Variants in CSMD1 observed in about 807,000 individuals in gnomAD.
CSMD1 encodes CUB and Sushi multiple domains 1, also known as CUB and sushi domain-containing protein 1.
In CSMD1, 213 loss-of-function variants were observed where a neutral mutation model predicts 417.5. The observed-to-expected ratio is 0.51, with a 90% CI of 0.46 to 0.57. CSMD1 has a LOEUF of 0.57. Ranked by LOEUF, CSMD1 falls within the 20% of genes least tolerant of loss-of-function variation. The pLI, the probability that CSMD1 is intolerant of heterozygous loss-of-function variation, is 0.00. For synonymous variants in CSMD1, 2,862 were observed against 1,736.8 expected (o/e 1.65, Z -16.11); for missense variants, 6,923 against 4,529.7 (o/e 1.53, Z -15.17).
At chr8:4,502,179 A>T (rs1286912258) in intron 2 of CSMD1, among the ~76,000 whole-genome samples, 1 of 152,202 alleles carries the variant, frequency 6.6e-6, no homozygotes, top group Non-Finnish European at 1.5e-5. Flanking sequence ...AACAGTAATC[A>T]TTCTTATGAA....
chr8:3,044,084 T>C (rs1325905564), intron 50 of CSMD1, among the ~76,000 whole-genome samples: 2 of 152,178 alleles, frequency 1.3e-5, no homozygotes, highest in African/African-American at 4.8e-5. Context: ...TGAGTTATGA[T>C]AGCAGCTTGA....
intron 12 of CSMD1, among the ~76,000 whole-genome samples, chr8:3,446,668 T>C (rs73660012): frequency 0.013 from 1,909 of 152,244 alleles, 52 homozygotes; most frequent in African/African-American, 0.044. Context: ...AAAAATCTGG[T>C]AAAAAGTAAA....
intron 5 of CSMD1, among the ~76,000 whole-genome samples, chr8:3,804,405 T>C (rs1800618896): frequency 1.3e-5 from 2 of 152,184 alleles, no homozygotes; most frequent in South Asian, 4.1e-4. Flanking sequence ...ATACATTAAT[T>C]AAATTTTGTT....
intron 10 of CSMD1, among the ~76,000 whole-genome samples, chr8:3,555,188 G>GGGAGGGA (rs1799090515): frequency 6.6e-6 from 1 of 151,952 alleles, no homozygotes; most frequent in African/African-American, 2.4e-5. Flanking sequence ...GTGTCTGGGA[G>GGGAGGGA]GTGTAGGGAA....
chr8:4,471,942 G>A (rs933871630), intron 2 of CSMD1, among the ~76,000 whole-genome samples: 3 of 152,080 alleles, frequency 2.0e-5, no homozygotes, highest in Admixed American at 6.6e-5. Flanking sequence ...TTTATAGAGG[G>A]TGCAAAACAG....
chr8:4,495,299 G>A (rs1187684027), intron 2 of CSMD1, among the ~76,000 whole-genome samples: 1 of 152,142 alleles, frequency 6.6e-6, no homozygotes, highest in African/African-American at 2.4e-5. Flanking sequence ...TTCTCAGCTG[G>A]GCACGGTGGC....
At chr8:3,467,099 A>G (rs185978597) in intron 12 of CSMD1, among the ~76,000 whole-genome samples, 9 of 152,266 alleles carry the variant, frequency 5.9e-5, no homozygotes, top group Non-Finnish European at 8.8e-5. Flanking sequence ...CCACAGCACT[A>G]ATTAGGGTAA....
intron 5 of CSMD1, among the ~76,000 whole-genome samples, chr8:3,756,033 C>T (rs1361245333): frequency 1.3e-5 from 2 of 152,056 alleles, no homozygotes; most frequent in African/African-American, 4.8e-5. Context: ...GTGCCACTCA[C>T]CTGTACTTAC....
In CSMD1 at chr8:3,947,349, T is replaced by G. The variant is rs150145460; in HGVS notation, c.818+50554A>C. ...GAATTACAATGATTTTCAAGAATGTTAAACCAATCTCGTATTCCTGAAAGT... is the reference window on the plus strand; with the variant it reads ...GAATTACAATGATTTTCAAGAATGTGAAACCAATCTCGTATTCCTGAAAGT... On this transcript the variant is annotated intron_variant, in intron 5 of 69. Transcript: ENST00000635120. 3.9e-3 allele frequency among the ~76,000 whole-genome samples: 589 copies of G among 152,348 alleles called. 3 individuals are homozygous for G. The highest frequency in any genetic ancestry group is 0.013 in the African/African-American group (545 of 41,588).
chr8:3,757,427 AT>A (rs894521092), intron 5 of CSMD1, among the ~76,000 whole-genome samples: 3 of 152,062 alleles, frequency 2.0e-5, no homozygotes, highest in African/African-American at 4.8e-5. Flanking sequence ...TTTTTATACA[AT>A]TTTTTTGTGT....
At chr8:3,769,939 A>G (rs76527271) in intron 5 of CSMD1, among the ~76,000 whole-genome samples, 2,800 of 152,342 alleles carry the variant, frequency 0.018, 65 homozygotes, top group East Asian at 0.11. Context: ...TTTACAAAAA[A>G]TAGGCTTTGG....
chr8:3,486,227 C>T (rs552385590), intron 11 of CSMD1, among the ~76,000 whole-genome samples: 1 of 152,038 alleles, frequency 6.6e-6, no homozygotes, highest in African/African-American at 2.4e-5. Context: ...TATAGTAATA[C>T]AATATTACCT....
chr8:3,918,808 T>G (rs1249882869), intron 5 of CSMD1, among the ~76,000 whole-genome samples: 1 of 152,100 alleles, frequency 6.6e-6, no homozygotes, highest in Non-Finnish European at 1.5e-5. Context: ...TTCTCATTCA[T>G]AAATGGGAGC....
At chr8:4,485,830 A>G (rs1160364549) in intron 2 of CSMD1, among the ~76,000 whole-genome samples, 1 of 152,070 alleles carries the variant, frequency 6.6e-6, no homozygotes, top group Non-Finnish European at 1.5e-5. Flanking sequence ...AAATGTGGCA[A>G]CATATAAACG....
At chr8:4,029,197 G>A (rs980525847) in intron 4 of CSMD1, among the ~76,000 whole-genome samples, 10 of 151,290 alleles carry the variant, frequency 6.6e-5, no homozygotes, top group African/African-American at 1.2e-4. Context: ...ATCCTACAAC[G>A]AGAGGTGATG....
intron 2 of CSMD1, 127 bp downstream of exon 2, chr8:4,637,214 GC>G (rs112131815): frequency 0.26 from 186,227 of 706,050 alleles, 25,136 homozygotes; most frequent in Middle Eastern, 0.31. Flanking sequence ...CTTGAAGTCA[GC>G]GAGGCCACGA....
intron 3 of CSMD1, among the ~76,000 whole-genome samples, chr8:4,333,776 C>T (rs762959787): frequency 3.3e-5 from 5 of 152,104 alleles, no homozygotes; most frequent in Non-Finnish European, 7.4e-5. Context: ...GTAGCCTTGA[C>T]CTGGGTCTGC....
intron 3 of CSMD1, among the ~76,000 whole-genome samples, chr8:4,037,233 A>T (rs1797669361): frequency 1.3e-5 from 2 of 152,232 alleles, no homozygotes; most frequent in Admixed American, 6.5e-5. Context: ...ATGACAAGTA[A>T]TATGACATAG....
intron 29 of CSMD1, 94 bp from the exon 30 acceptor site, chr8:3,214,785 T>C: frequency 3.2e-6 from 3 of 938,954 alleles, no homozygotes. Context: ...TTGTGTTATT[T>C]AGGGCCTAGA....
Sources: allele counts gnomAD v4.1 joint callset (sites outside exome capture counted in the v4.1 genomes callset), GRCh38; gene constraint gnomAD v4.1.1; transcripts MANE v1.5; gene names NCBI Gene and HGNC (gene_info 2026-07-23, HGNC 2026-07-21).